Variants in VPS35L observed in about 807,000 individuals in gnomAD.
VPS35L encodes the protein VPS35 endosomal protein-sorting factor-like.
In VPS35L, 83 loss-of-function variants were observed where a neutral mutation model predicts 133.0. That is an observed-to-expected ratio of 0.62 (90% CI 0.52 to 0.75). The LOEUF (loss-of-function observed/expected upper bound fraction) is 0.75, where lower values mean the gene tolerates loss of function less well. Among genes scored for constraint, VPS35L ranks in the 30% least tolerant of loss-of-function variants. The pLI is 0.00. For missense variants in VPS35L, 1,083 were observed against 1,206.8 expected (o/e 0.90, Z 1.52); for synonymous variants, 423 against 449.9 (o/e 0.94, Z 0.76).
intron 4 of VPS35L, among the ~76,000 whole-genome samples, chr16:19,573,990 C>T (rs1971459708): frequency 6.6e-6 from 1 of 152,138 alleles, no homozygotes; most frequent in Non-Finnish European, 1.5e-5. Flanking sequence ...CCTCAAGACA[C>T]TTACGAAATT....
intron 8 of VPS35L, among the ~76,000 whole-genome samples, chr16:19,593,454 C>G (rs1972105896): frequency 6.6e-6 from 1 of 152,216 alleles, no homozygotes; most frequent in Non-Finnish European, 1.5e-5. Context: ...CTGTGCATCC[C>G]AGTCCTGTCC....
At chr16:19,600,911 C>A (rs930543047) in intron 8 of VPS35L, among the ~76,000 whole-genome samples, 2 of 152,054 alleles carry the variant, frequency 1.3e-5, no homozygotes, top group Non-Finnish European at 2.9e-5. Flanking sequence ...CATGTGAGTT[C>A]TCCCAAGTTG....
intron 4 of VPS35L, among the ~76,000 whole-genome samples, chr16:19,574,885 T>C (rs1971484457): frequency 6.6e-6 from 1 of 152,200 alleles, no homozygotes; most frequent in African/African-American, 2.4e-5. Context: ...ATTATGTGAC[T>C]CCGCTGTCAT....
At chr16:19,566,171 T>C (rs1344601221) in intron 2 of VPS35L, among the ~76,000 whole-genome samples, 2 of 152,086 alleles carry the variant, frequency 1.3e-5, no homozygotes, top group African/African-American at 4.8e-5. Context: ...CACAGTTGCG[T>C]TCATTCTCAG....
intron 19 of VPS35L, 64 bp from the exon 20 acceptor site, chr16:19,637,530 A>G: frequency 4.8e-6 from 6 of 1,263,044 alleles, no homozygotes; most frequent in Non-Finnish European, 6.5e-6. Flanking sequence ...GAGAATGTAA[A>G]CCAGAAAGAA....
chr16:19,662,353 A>T (rs74782601), intron 26 of VPS35L, among the ~76,000 whole-genome samples: 1 of 151,898 alleles, frequency 6.6e-6, no homozygotes, highest in Non-Finnish European at 1.5e-5. Context: ...AAAAAAAAAA[A>T]TACAAAAATT....
chr16:19,682,032 G>T (rs1016557992), intron 27 of VPS35L, among the ~76,000 whole-genome samples, 193 bp from the exon 28 acceptor site: 1 of 152,126 alleles, frequency 6.6e-6, no homozygotes, highest in Non-Finnish European at 1.5e-5. Flanking sequence ...GTTGATTCGT[G>T]GGAATCACGT....
intron 9 of VPS35L, among the ~76,000 whole-genome samples, chr16:19,605,199 A>G (rs1972503284): frequency 6.6e-6 from 1 of 152,094 alleles, no homozygotes; most frequent in South Asian, 2.1e-4. Flanking sequence ...AAAGAACTAG[A>G]CTCATTGGTC....
intron 28 of VPS35L, among the ~76,000 whole-genome samples, chr16:19,690,456 CATT>C (rs1434493109): frequency 1.3e-5 from 2 of 152,172 alleles, no homozygotes; most frequent in African/African-American, 2.4e-5. Context: ...TGGCAAGAGA[CATT>C]ATCAAAGGGA....
intron 1 of VPS35L, among the ~76,000 whole-genome samples, chr16:19,559,300 A>G (rs888245624): frequency 6.6e-6 from 1 of 152,198 alleles, no homozygotes; most frequent in African/African-American, 2.4e-5. Context: ...CAGCCCGCCC[A>G]GGTGATGTCA....
Position 19,699,511 on chromosome 16 carries a change from C to T in VPS35L, c.2656C>T (p.Arg886Cys), listed in dbSNP as rs377505002. The T allele has an allele frequency of 4.2e-5, 68 of 1,613,996 alleles. No individual in the cohort carries two copies. Among genetic ancestry groups the T allele is most frequent in the Non-Finnish European group, 5.2e-5 (61 of 1,179,992 alleles). ...CCCTTTTCTGTTTCAGGCCCTGAAGCGCCAGAGCTCGTTGGGCCTTTCCTT... is the reference window on the plus strand; with the variant it reads ...CCCTTTTCTGTTTCAGGCCCTGAAGTGCCAGAGCTCGTTGGGCCTTTCCTT... ...KTLAKDEALKRQSSLGLSFFN... is the reference protein window; with the variant it reads ...KTLAKDEALKCQSSLGLSFFN... The change falls in exon 30 of 31, where the codon CGC becomes TGC. Residue 886 changes from arginine to cysteine, a missense_variant. Coordinates refer to ENST00000417362, the MANE Select transcript of VPS35L (RefSeq NM_020314.7). This position sits in a 1 kb window ranked among gnomAD's most constrained non-coding sequence, Gnocchi z 4.2.
At chr16:19,660,277 A>G (rs10048135) in intron 26 of VPS35L, among the ~76,000 whole-genome samples, 73,147 of 151,292 alleles carry the variant, frequency 0.48, 20,460 homozygotes, top group African/African-American at 0.78. Context: ...GCAGTGAGCC[A>G]TGATTGCACC....
chr16:19,688,893 C>G (rs1975562932), intron 28 of VPS35L, among the ~76,000 whole-genome samples: 1 of 151,916 alleles, frequency 6.6e-6, no homozygotes, highest in African/African-American at 2.4e-5. Flanking sequence ...TGGCCCTAGC[C>G]AAAAAAGGAA....
intron 2 of VPS35L, among the ~76,000 whole-genome samples, chr16:19,567,990 A>G (rs1377277039): frequency 6.6e-6 from 1 of 150,636 alleles, no homozygotes; most frequent in Non-Finnish European, 1.5e-5. Context: ...AAAAAAAGAC[A>G]TCTTCACTTC....
intron 27 of VPS35L, among the ~76,000 whole-genome samples, chr16:19,681,197 C>T (rs1975263759): frequency 6.6e-6 from 1 of 152,146 alleles, no homozygotes; most frequent in Non-Finnish European, 1.5e-5. Flanking sequence ...CCTCACCTAT[C>T]CTTCCTCTAG....
At chr16:19,581,899 C>A (rs9936286) in intron 7 of VPS35L, 21,660 of 528,486 alleles carry the variant, frequency 0.041, 1,552 homozygotes, top group African/African-American at 0.23. Flanking sequence ...CACTCTTCAC[C>A]CTAGGTTACA....
intron 26 of VPS35L, 97 bp from the exon 27 acceptor site, chr16:19,669,063 C>T: frequency 7.5e-7 from 1 of 1,336,812 alleles, no homozygotes; most frequent in Non-Finnish European, 1.0e-6. Context: ...CTGGCTTCTA[C>T]CTAACTCTCA....
Position 19,599,234 on chromosome 16 carries a change from C to T in VPS35L, c.725-2430C>T, listed in dbSNP as rs1461297403. Among the ~76,000 whole-genome samples the T allele has an allele frequency of 2.0e-5, 3 of 152,216 alleles. No homozygotes were observed. In the East Asian group the frequency reaches 5.8e-4, roughly 29 times the overall value. On this transcript the variant is annotated intron_variant, in intron 8 of 30. Transcript: ENST00000417362. ...AATCACCTGGGCAGCTTTACAAACACCCACAAAGTCCCAGCTGCATCCAGA... is the reference window on the plus strand; with the variant it reads ...AATCACCTGGGCAGCTTTACAAACATCCACAAAGTCCCAGCTGCATCCAGA...
chr16:19,555,863 C>A (rs754312881), intron 1 of VPS35L, 117 bp downstream of exon 1: 5 of 1,397,706 alleles, frequency 3.6e-6, no homozygotes, highest in Non-Finnish European at 4.8e-6. Flanking sequence ...CGACCGGCCA[C>A]CCCCAAGTTG....
Sources: gnomAD v4.1 joint callset for allele counts (sites outside exome capture counted in the v4.1 genomes callset) on GRCh38, gnomAD v4.1.1 for gene constraint, Gnocchi (gnomAD v3.1) non-coding constraint, MANE v1.5 for transcripts, NCBI Gene and HGNC (gene_info 2026-07-23, HGNC 2026-07-21) for gene names.